ESRRG: variants seen among roughly 807,000 people sequenced by gnomAD.
ESRRG encodes estrogen related receptor gamma.
Under a neutral mutation model 44.0 loss-of-function variants are expected in ESRRG, and 13 were observed. That is an observed-to-expected ratio of 0.30 (90% CI 0.19 to 0.47). ESRRG has a LOEUF of 0.47. Ranked by LOEUF, ESRRG falls within the 20% of genes least tolerant of loss-of-function variation. ESRRG has a pLI of 1.00. For missense variants in ESRRG, 395 were observed against 580.6 expected (o/e 0.68, Z 3.29); for synonymous variants, 215 against 214.6 (o/e 1.00, Z -0.02).
chr1:216,509,091 A>AT (rs778476800), intron 6 of ESRRG, among the ~76,000 whole-genome samples: 1 of 152,216 alleles, frequency 6.6e-6, no homozygotes, highest in South Asian at 2.1e-4. Flanking sequence ...ACATGGCCTC[A>AT]TTTTACCTCC....
At chr1:216,732,731 C>T (rs1331997415) in intron 2 of ESRRG, among the ~76,000 whole-genome samples, 1 of 151,172 alleles carries the variant, frequency 6.6e-6, no homozygotes, top group Non-Finnish European at 1.5e-5. Flanking sequence ...TGGAGTCCAG[C>T]AGTTCAAGGC....
chr1:216,932,922 A>G (rs961525854), intron 2 of ESRRG, among the ~76,000 whole-genome samples: 14 of 151,738 alleles, frequency 9.2e-5, no homozygotes, highest in Admixed American at 2.0e-4. Flanking sequence ...TTGAAAATAT[A>G]GATACACTTT....
At position 216,514,783 on chromosome 1, in the gene ESRRG, G is replaced by T. The variant is rs555553217; in HGVS notation, c.1132+4369C>A. 5.9e-5 allele frequency among the ~76,000 whole-genome samples: 9 copies of T among 152,188 alleles called. No individual in the cohort carries two copies. The South Asian group carries it at 1.2e-3, about 21-fold the overall frequency. ...AGTACTGGACATGCCTACTGCACAGGCATGTTGTGGGAATCAAATAAGATT... is the reference window on the plus strand; with the variant it reads ...AGTACTGGACATGCCTACTGCACAGTCATGTTGTGGGAATCAAATAAGATT... On this transcript the variant is annotated intron_variant, in intron 6 of 6. Coordinates refer to ENST00000408911, the MANE Select transcript of ESRRG (RefSeq NM_001438.4).
intron 2 of ESRRG, among the ~76,000 whole-genome samples, chr1:216,807,459 A>G (rs1180465570): frequency 6.6e-6 from 1 of 152,120 alleles, no homozygotes; most frequent in Non-Finnish European, 1.5e-5. Flanking sequence ...ACTTGTTTCC[A>G]TCTTTCAACA....
chr1:217,055,523 C>T (rs2086901723), intron 1 of ESRRG, among the ~76,000 whole-genome samples: 1 of 152,126 alleles, frequency 6.6e-6, no homozygotes, highest in Admixed American at 6.5e-5. Context: ...TAACACCCTC[C>T]CCTTAATGCC....
At chr1:217,075,304 G>C (rs1377862716) in intron 1 of ESRRG, among the ~76,000 whole-genome samples, 1 of 152,124 alleles carries the variant, frequency 6.6e-6, no homozygotes, top group African/African-American at 2.4e-5. Context: ...GCCAACATTG[G>C]TATACATTAT....
intron 1 of ESRRG, among the ~76,000 whole-genome samples, chr1:216,691,116 G>A (rs986347768): frequency 6.6e-6 from 1 of 152,168 alleles, no homozygotes; most frequent in African/African-American, 2.4e-5. Context: ...GTGTAAGCCA[G>A]TCAAGGTAGG....
intron 2 of ESRRG, among the ~76,000 whole-genome samples, chr1:216,830,982 G>A (rs1453514006): frequency 1.3e-5 from 2 of 151,978 alleles, no homozygotes; most frequent in Non-Finnish European, 2.9e-5. Flanking sequence ...CAGACAATTG[G>A]AAAAGAGCAG....
At chr1:216,755,854 A>T (rs989144239) in intron 2 of ESRRG, among the ~76,000 whole-genome samples, 2 of 152,012 alleles carry the variant, frequency 1.3e-5, no homozygotes, top group Non-Finnish European at 2.9e-5. Flanking sequence ...GGCTATTTGT[A>T]TTTGCTAATG....
At chr1:216,799,419 T>C (rs2094556679) in intron 2 of ESRRG, among the ~76,000 whole-genome samples, 1 of 151,950 alleles carries the variant, frequency 6.6e-6, no homozygotes, top group Non-Finnish European at 1.5e-5. Context: ...AATGATGATT[T>C]TGATTCCTCA....
intron 1 of ESRRG, among the ~76,000 whole-genome samples, chr1:217,087,522 T>G (rs2092149437): frequency 6.6e-6 from 1 of 152,166 alleles, no homozygotes; most frequent in African/African-American, 2.4e-5. Context: ...TCTATTTTGT[T>G]AAAGCAACAC....
chr1:217,047,347 C>A (rs776614529), intron 1 of ESRRG, among the ~76,000 whole-genome samples: 1 of 152,124 alleles, frequency 6.6e-6, no homozygotes, highest in Non-Finnish European at 1.5e-5. Flanking sequence ...CCAACCAATT[C>A]TTTTTCCAGT....
At chr1:216,604,661 A>G (rs1484468602) in intron 3 of ESRRG, among the ~76,000 whole-genome samples, 1 of 152,188 alleles carries the variant, frequency 6.6e-6, no homozygotes, top group Non-Finnish European at 1.5e-5. Context: ...ACCTTTCCAT[A>G]AAAGTGCATC....
intron 2 of ESRRG, among the ~76,000 whole-genome samples, chr1:216,836,442 CA>C (rs1366464554): frequency 1.3e-5 from 2 of 152,174 alleles, no homozygotes; most frequent in African/African-American, 2.4e-5. Context: ...AATTTAACTG[CA>C]CATCTTTTAT....
At chr1:216,669,012 C>G (rs113374011) in intron 2 of ESRRG, among the ~76,000 whole-genome samples, 1 of 151,978 alleles carries the variant, frequency 6.6e-6, no homozygotes, top group African/African-American at 2.4e-5. Flanking sequence ...TAGAAGTTAC[C>G]CAAACTACGA....
At chr1:216,850,462 C>T (rs932817174) in intron 2 of ESRRG, among the ~76,000 whole-genome samples, 1 of 152,102 alleles carries the variant, frequency 6.6e-6, no homozygotes, top group Non-Finnish European at 1.5e-5. Flanking sequence ...CACTATCCAA[C>T]TCTCCACAGG....
intron 2 of ESRRG, among the ~76,000 whole-genome samples, chr1:216,896,934 C>A (rs930901393): frequency 6.6e-6 from 1 of 152,150 alleles, no homozygotes; most frequent in African/African-American, 2.4e-5. Context: ...GTGAACATTA[C>A]ACAGGTTAAA....
chr1:216,715,721 A>G (rs1019113189), intron 1 of ESRRG, among the ~76,000 whole-genome samples: 28 of 152,154 alleles, frequency 1.8e-4, no homozygotes, highest in Non-Finnish European at 3.8e-4. Context: ...TCAAAGCAAC[A>G]TAAGTTCTTA....
At chr1:216,899,990 A>G (rs2058874294) in intron 2 of ESRRG, among the ~76,000 whole-genome samples, 1 of 152,214 alleles carries the variant, frequency 6.6e-6, no homozygotes, top group Non-Finnish European at 1.5e-5. Flanking sequence ...CACTCACTGT[A>G]TATCACAATG....
Sources: gnomAD v4.1 joint callset for allele counts (sites outside exome capture counted in the v4.1 genomes callset) on GRCh38, gnomAD v4.1.1 for gene constraint, MANE v1.5 for transcripts, NCBI Gene and HGNC (gene_info 2026-07-23, HGNC 2026-07-21) for gene names.